The following TMEM132D variants were observed in gnomAD, a reference collection of about 807,000 sequenced individuals.
TMEM132D encodes mature OL transmembrane protein.
TMEM132D carries 21 observed loss-of-function variants against 62.3 expected under a neutral mutation model. The ratio of observed to expected loss-of-function variants is 0.34; its 90% CI spans 0.24 to 0.49. The LOEUF is 0.49. TMEM132D is among the 20% of genes least tolerant of loss of function. The pLI is 0.99. For synonymous variants in TMEM132D, 621 were observed against 575.6 expected (o/e 1.08, Z -1.13); for missense variants, 1,346 against 1,402.8 (o/e 0.96, Z 0.65).
chr12:129,316,186 G>A (rs1004858814), intron 4 of TMEM132D, among the ~76,000 whole-genome samples: 1 of 151,876 alleles, frequency 6.6e-6, no homozygotes, highest in Non-Finnish European at 1.5e-5. Flanking sequence ...CTTCTGCTGG[G>A]TTTGGGTTTG....
chr12:129,290,761 A>G (rs1881428354), intron 4 of TMEM132D, among the ~76,000 whole-genome samples: 1 of 152,202 alleles, frequency 6.6e-6, no homozygotes, highest in Admixed American at 6.5e-5. Context: ...ATTCACAATA[A>G]AAGCAGACAG....
At chr12:129,759,434 G>A (rs1301542927) in intron 1 of TMEM132D, among the ~76,000 whole-genome samples, 6 of 152,140 alleles carry the variant, frequency 3.9e-5, no homozygotes. Flanking sequence ...AGTTGAGAAC[G>A]GAAGGAAGCC....
rs558507180 is a variant in TMEM132D, at chr12:129,108,735, C to T, written c.1444-24033G>A. ...ATCTACATGCAGAATTACTGCCATA[C>T]CCACACATCGTCTTGAGTTCTCAAT... On this transcript the variant is annotated intron_variant, in intron 5 of 8. Coordinates refer to ENST00000422113, the MANE Select transcript of TMEM132D (RefSeq NM_133448.3). 6.8e-4 allele frequency among the ~76,000 whole-genome samples: 104 copies of T among 152,328 alleles called. 2 individuals are homozygous for T. In the South Asian group the frequency reaches 0.021, roughly 31 times the overall value.
intron 3 of TMEM132D, among the ~76,000 whole-genome samples, chr12:129,402,948 T>C (rs1368432913): frequency 6.6e-6 from 1 of 152,116 alleles, no homozygotes; most frequent in Non-Finnish European, 1.5e-5. Flanking sequence ...TTCTGAACTT[T>C]GACTTATGTA....
intron 3 of TMEM132D, among the ~76,000 whole-genome samples, chr12:129,456,950 G>A (rs7488777): frequency 0.22 from 33,601 of 152,032 alleles, 3,829 homozygotes; most frequent in East Asian, 0.33. Context: ...ACAGGTGCTG[G>A]AGAGGATGTG....
At chr12:129,479,579 T>G (rs891480146) in intron 3 of TMEM132D, among the ~76,000 whole-genome samples, 1 of 152,180 alleles carries the variant, frequency 6.6e-6, no homozygotes, top group Non-Finnish European at 1.5e-5. Flanking sequence ...TGATTACATT[T>G]TATGCAGGCA....
At chr12:129,270,126 G>A (rs1216776636) in intron 4 of TMEM132D, among the ~76,000 whole-genome samples, 1 of 152,200 alleles carries the variant, frequency 6.6e-6, no homozygotes, top group Admixed American at 6.5e-5. Flanking sequence ...CTCGGTTCCA[G>A]TGTCCTGTAT....
intron 1 of TMEM132D, among the ~76,000 whole-genome samples, chr12:129,797,823 A>G (rs1201280517): frequency 6.6e-6 from 1 of 151,570 alleles, no homozygotes; most frequent in African/African-American, 2.4e-5. Flanking sequence ...GTGTAAATGA[A>G]GCTGGAGACA....
intron 5 of TMEM132D, among the ~76,000 whole-genome samples, chr12:129,192,580 A>C (rs1878435598): frequency 6.6e-6 from 1 of 152,192 alleles, no homozygotes; most frequent in Non-Finnish European, 1.5e-5. Flanking sequence ...GGATAAATAT[A>C]ATCTCAAATT....
chr12:129,342,756 G>A (rs928695541), intron 3 of TMEM132D, among the ~76,000 whole-genome samples: 1 of 152,134 alleles, frequency 6.6e-6, no homozygotes, highest in African/African-American at 2.4e-5. Context: ...CCATCAAAAA[G>A]TGGGCGAAGG....
chr12:129,221,999 G>C (rs767137075), intron 4 of TMEM132D, among the ~76,000 whole-genome samples: 1 of 152,166 alleles, frequency 6.6e-6, no homozygotes. Context: ...ATTGGCACCT[G>C]CATTGCAAAT....
intron 3 of TMEM132D, among the ~76,000 whole-genome samples, chr12:129,525,223 C>A (rs1212836594): frequency 2.2e-4 from 11 of 50,020 alleles, no homozygotes; most frequent in Admixed American, 2.2e-3. Flanking sequence ...CGGTGCCCAG[C>A]CGGTTTTTTT....
At chr12:129,081,364 T>C (rs1406818176) in intron 7 of TMEM132D, among the ~76,000 whole-genome samples, 1 of 152,152 alleles carries the variant, frequency 6.6e-6, no homozygotes, top group Non-Finnish European at 1.5e-5. Context: ...AGTGGCACGA[T>C]CTCAGATCGC....
chr12:129,797,843 G>A (rs186574121), intron 1 of TMEM132D, among the ~76,000 whole-genome samples: 1,667 of 150,600 alleles, frequency 0.011, 20 homozygotes, highest in Non-Finnish European at 0.018. Context: ...AGGAGATTTC[G>A]GAGATACTAG....
chr12:129,750,193 C>G (rs1869953712), intron 1 of TMEM132D, among the ~76,000 whole-genome samples: 1 of 152,024 alleles, frequency 6.6e-6, no homozygotes, highest in South Asian at 2.1e-4. Context: ...TCACGTCATT[C>G]TCCTGCCTCA....
intron 1 of TMEM132D, among the ~76,000 whole-genome samples, chr12:129,881,094 C>G (rs947058541): frequency 6.6e-6 from 1 of 151,766 alleles, no homozygotes; most frequent in Non-Finnish European, 1.5e-5. Context: ...TCCAAATAAC[C>G]AATAACACTG....
At chr12:129,187,060 T>C (rs984640882) in intron 5 of TMEM132D, among the ~76,000 whole-genome samples, 3 of 152,200 alleles carry the variant, frequency 2.0e-5, no homozygotes, top group Non-Finnish European at 4.4e-5. Flanking sequence ...CCCAAGAGTA[T>C]CTGTGTTCTA....
intron 4 of TMEM132D, among the ~76,000 whole-genome samples, chr12:129,285,630 A>G (rs1193908652): frequency 6.6e-6 from 1 of 151,990 alleles, no homozygotes; most frequent in African/African-American, 2.4e-5. Context: ...TGACTGGGGA[A>G]AAAATATACT....
intron 1 of TMEM132D, among the ~76,000 whole-genome samples, chr12:129,727,935 C>G (rs1289629379): frequency 6.6e-6 from 1 of 152,202 alleles, no homozygotes; most frequent in Non-Finnish European, 1.5e-5. Flanking sequence ...ATCTCCCTAC[C>G]CTCCCACTAC....
Sources: allele counts gnomAD v4.1 joint callset (sites outside exome capture counted in the v4.1 genomes callset), GRCh38; gene constraint gnomAD v4.1.1; transcripts MANE v1.5; gene names NCBI Gene and HGNC (gene_info 2026-07-23, HGNC 2026-07-21).